The following PABPC1 variants were observed in gnomAD, a reference collection of about 807,000 sequenced individuals.
The protein encoded by PABPC1 is poly(A) binding protein cytoplasmic 1, also known as polyadenylate-binding protein 1.
PABPC1 carries 4 observed loss-of-function variants against 74.0 expected under a neutral mutation model. That is an observed-to-expected ratio of 0.05 (90% CI 0.03 to 0.12). PABPC1 has a LOEUF of 0.12. Ranked by LOEUF, PABPC1 falls within the 10% of genes least tolerant of loss-of-function variation. The pLI, the probability that PABPC1 is intolerant of heterozygous loss-of-function variation, is 1.00. For missense variants in PABPC1, 271 were observed against 821.1 expected, an observed-to-expected ratio of 0.33 and a Z score of 8.19; for synonymous variants, 227 against 264.1, an observed-to-expected ratio of 0.86 and a Z score of 1.36.
intron 9 of PABPC1, 34 bp from the exon 10 acceptor site, chr8:100,707,031 G>A: frequency 6.9e-7 from 1 of 1,448,302 alleles, no homozygotes; most frequent in African/African-American, 1.4e-5. Flanking sequence ...ACATTAACTG[G>A]GAAAACTTAC....
At position 100,721,718 on chromosome 8, in the gene PABPC1, T is replaced by C. The variant is rs1206588624; in HGVS notation, c.-135A>G. On this transcript the variant is annotated 5_prime_UTR_variant, in exon 1 of 15. Transcript: ENST00000318607. This position sits in a 1 kb window ranked among gnomAD's most constrained non-coding sequence, Gnocchi z 7.4. ...GCAGAGGGACAAAAATCAACCGGAA[T>C]TGAAAACTACTCAACGGCCGCAGAA... The C allele has an allele frequency of 1.4e-5, 10 of 732,456 alleles. No homozygotes were observed. The highest frequency in any genetic ancestry group is 4.1e-6 in the Non-Finnish European group (2 of 486,518). The allele number at this position is 732,456 out of a possible 1,614,324, so 45.4% of individuals were successfully genotyped here.
chr8:100,706,456 G>A (rs549496093), intron 11 of PABPC1, among the ~76,000 whole-genome samples, 195 bp downstream of exon 11: 1 of 151,870 alleles, frequency 6.6e-6, no homozygotes, highest in African/African-American at 2.4e-5. Context: ...ACCACACCCA[G>A]CTAGTTTTCT....
In PABPC1 at chr8:100,708,744, C is replaced by T. The variant is rs199886642; in HGVS notation, c.1336+389G>A. ...TGCGTAAGTTAGCTGGGCGTGGTGGCGGGCACCTGTAATCCCAGCTACTCC... is the reference window on the plus strand; with the variant it reads ...TGCGTAAGTTAGCTGGGCGTGGTGGTGGGCACCTGTAATCCCAGCTACTCC... On this transcript the variant is annotated intron_variant, in intron 9 of 14. Transcript: ENST00000318607. Among the ~76,000 whole-genome samples, 36 of 152,112 alleles carry T rather than the reference C, an allele frequency of 2.4e-4. No homozygotes were observed. The East Asian group carries it at 3.9e-3, about 16-fold the overall frequency.
intron 7 of PABPC1, among the ~76,000 whole-genome samples, 198 bp downstream of exon 7, chr8:100,712,164 C>T (rs138156411): frequency 6.6e-6 from 1 of 152,338 alleles, no homozygotes; most frequent in African/African-American, 2.4e-5. Flanking sequence ...ATCAGCCTTC[C>T]TTAGCAAAGA....
intron 7 of PABPC1, 114 bp from the exon 8 acceptor site, chr8:100,709,845 T>C: frequency 1.7e-6 from 2 of 1,169,340 alleles, no homozygotes; most frequent in South Asian, 1.6e-5. Context: ...ACCCTGTTAA[T>C]GCTTAATCAT....
In PABPC1 at chr8:100,703,634, T is replaced by C. The variant is rs183769387; in HGVS notation, c.*2-275A>G. ...GCCAATCCCTGGTCCTGATCCTGGC[T>C]GCACTACTCAATTTCTTGGGAGTGA... is the stretch of plus-strand genomic sequence containing the variant. On this transcript the variant is annotated intron_variant, in intron 14 of 14. Transcript: ENST00000318607. 2.0e-3 allele frequency among the ~76,000 whole-genome samples: 309 copies of C among 152,322 alleles called. 5 individuals are homozygous for C. The highest frequency in any genetic ancestry group is 0.014 in the Admixed American group (218 of 15,300).
At chr8:100,710,762 G>A (rs1032753614) in intron 7 of PABPC1, among the ~76,000 whole-genome samples, 14 of 149,862 alleles carry the variant, frequency 9.3e-5, no homozygotes, top group Non-Finnish European at 1.3e-4. Flanking sequence ...CAAGGCGGGT[G>A]GATCACCTGA....
At chr8:100,719,166 T>A (rs1185318723) in intron 1 of PABPC1, among the ~76,000 whole-genome samples, 1 of 152,168 alleles carries the variant, frequency 6.6e-6, no homozygotes, top group Non-Finnish European at 1.5e-5. Flanking sequence ...AAATAACACA[T>A]CCTTAAATAA....
chr8:100,720,307 A>C (rs1326409304), intron 1 of PABPC1, among the ~76,000 whole-genome samples: 1 of 152,220 alleles, frequency 6.6e-6, no homozygotes, highest in African/African-American at 2.4e-5. Context: ...TTAGCTTCAA[A>C]ATAAAAGCAC....
At chr8:100,709,081 T>A (rs1587150767) in intron 9 of PABPC1, 52 bp downstream of exon 9, 2 of 1,303,838 alleles carry the variant, frequency 1.5e-6, no homozygotes, top group Admixed American at 3.4e-5. Flanking sequence ...ATTTACCCAA[T>A]GTGTTATTTT....
chr8:100,717,298 C>T (rs1285807760), intron 3 of PABPC1, among the ~76,000 whole-genome samples: 5 of 152,106 alleles, frequency 3.3e-5, no homozygotes, highest in Non-Finnish European at 5.9e-5. Context: ...CATGAGCCAC[C>T]GCGCCCGGAC....
chr8:100,715,846 A>AC (rs1810655667), intron 3 of PABPC1, among the ~76,000 whole-genome samples: 1 of 152,224 alleles, frequency 6.6e-6, no homozygotes, highest in African/African-American at 2.4e-5. Context: ...TCTCTAGCTA[A>AC]CCTAGGGTTA....
At chr8:100,714,497 G>A (rs1309135872) in intron 4 of PABPC1, among the ~76,000 whole-genome samples, 4 of 152,128 alleles carry the variant, frequency 2.6e-5, no homozygotes, top group Non-Finnish European at 2.9e-5. Flanking sequence ...TTGGGAGGCC[G>A]AGGTGGCTGG....
intron 7 of PABPC1, among the ~76,000 whole-genome samples, chr8:100,711,282 A>T (rs2129708748): frequency 6.6e-6 from 1 of 152,218 alleles, no homozygotes; most frequent in East Asian, 1.9e-4. Flanking sequence ...GTCTTTAAAA[A>T]AGACAAAAAA....
intron 6 of PABPC1, 35 bp downstream of exon 6, chr8:100,712,617 C>T (rs368891619): frequency 7.4e-5 from 117 of 1,589,914 alleles, no homozygotes; most frequent in Non-Finnish European, 9.6e-5. Context: ...TTTCCTCATC[C>T]CTGTCTTATT....
At chr8:100,713,640 T>C (rs1404873615) in intron 4 of PABPC1, among the ~76,000 whole-genome samples, 2 of 152,172 alleles carry the variant, frequency 1.3e-5, no homozygotes, top group Non-Finnish European at 2.9e-5. Context: ...CTGGCCCACA[T>C]ACCACCATGC....
intron 11 of PABPC1, 50 bp downstream of exon 11, chr8:100,706,601 G>T (rs750417062): frequency 1.2e-5 from 18 of 1,550,930 alleles, no homozygotes; most frequent in Middle Eastern, 2.3e-4. Flanking sequence ...TCACACCTTT[G>T]ATTTCACCCA....
intron 4 of PABPC1, among the ~76,000 whole-genome samples, chr8:100,714,814 T>G (rs1810624050): frequency 6.6e-6 from 1 of 151,910 alleles, no homozygotes; most frequent in South Asian, 2.1e-4. Flanking sequence ...ATGCAAAGGG[T>G]GGGGTCAAGC....
chr8:100,709,874 G>T, intron 7 of PABPC1, 143 bp from the exon 8 acceptor site: 1 of 968,010 alleles, frequency 1.0e-6, no homozygotes, highest in Non-Finnish European at 1.5e-6. Flanking sequence ...TACCCATTGA[G>T]TTCACAATTT....
Sources: allele counts gnomAD v4.1 joint callset (sites outside exome capture counted in the v4.1 genomes callset), GRCh38; gene constraint gnomAD v4.1.1; non-coding constraint Gnocchi (gnomAD v3.1); transcripts MANE v1.5; gene names NCBI Gene and HGNC (gene_info 2026-07-23, HGNC 2026-07-21).